PPP6R3: variants seen among roughly 807,000 people sequenced by gnomAD.
PPP6R3 encodes protein phosphatase 6 regulatory subunit 3, also known as serine/threonine-protein phosphatase 6 regulatory subunit 3.
A neutral mutation model predicts 110.7 loss-of-function variants in PPP6R3; 38 were observed. That is an observed-to-expected ratio of 0.34 (90% confidence interval 0.26 to 0.45). The LOEUF (loss-of-function observed/expected upper bound fraction) is 0.45. PPP6R3 is among the 20% of genes least tolerant of loss of function. The pLI, the probability that PPP6R3 is intolerant of heterozygous loss-of-function variation, is 1.00. For missense variants in PPP6R3, 870 were observed against 1,062.4 expected, an observed-to-expected ratio of 0.82 and a Z score of 2.52; for synonymous variants, 369 against 373.5, an observed-to-expected ratio of 0.99 and a Z score of 0.14.
At position 68,603,373 on chromosome 11, in the gene PPP6R3, T is replaced by C. The variant is rs1305016420; in HGVS notation, c.2331T>C (p.Ser777=). The C allele has an allele frequency of 6.2e-7, 1 of 1,613,914 alleles. No individual in the cohort carries two copies. Among genetic ancestry groups the C allele is most frequent in the Admixed American group, 1.7e-5 (1 of 59,974 alleles). ...AAGSVAMEAS[S]DGEEDAESTD... is the part of the protein sequence containing the mutation. ...GCAGTGTGGCCATGGAAGCCAGCTC[T>C]GACGGAGAGGAGGATGCAGAAAGTA... Residue 777 remains serine (S), a synonymous_variant, in exon 22 of 24, where the codon TCT becomes TCC. Transcript: ENST00000393800.
At chr11:68,567,285 A>C in intron 10 of PPP6R3, 119 bp downstream of exon 10, 1 of 1,145,322 alleles carries the variant, frequency 8.7e-7, no homozygotes, top group Non-Finnish European at 1.2e-6. Context: ...TCTGAGCATA[A>C]ATGGTGTTTT....
intron 1 of PPP6R3, among the ~76,000 whole-genome samples, chr11:68,467,668 A>C (rs984979244): frequency 6.6e-6 from 1 of 152,224 alleles, no homozygotes; most frequent in African/African-American, 2.4e-5. Flanking sequence ...TGGTCCTCAG[A>C]TGGGCGTAGC....
At chr11:68,470,552 TTTGG>T (rs2098783736) in intron 1 of PPP6R3, among the ~76,000 whole-genome samples, 1 of 152,014 alleles carries the variant, frequency 6.6e-6, no homozygotes, top group African/African-American at 2.4e-5. Flanking sequence ...GGGTAAGTCA[TTTGG>T]TGTTTTGAGC....
chr11:68,593,683 A>G (rs2099602570), intron 18 of PPP6R3, among the ~76,000 whole-genome samples: 1 of 152,238 alleles, frequency 6.6e-6, no homozygotes, highest in African/African-American at 2.4e-5. Context: ...AGTTAGTCCT[A>G]AATAACCATG....
chr11:68,475,755 C>A (rs541208685), intron 1 of PPP6R3, among the ~76,000 whole-genome samples: 2 of 134,874 alleles, frequency 1.5e-5, no homozygotes, highest in African/African-American at 5.5e-5. Context: ...GGGCGGCTGC[C>A]GGGCGGAGGG....
At chr11:68,521,056 G>C (rs1271744874) in intron 2 of PPP6R3, among the ~76,000 whole-genome samples, 1 of 152,156 alleles carries the variant, frequency 6.6e-6, no homozygotes, top group African/African-American at 2.4e-5. Flanking sequence ...ACAGGCGTGA[G>C]CCACCGCGTC....
chr11:68,477,739 A>ATATATATATATATATATATATAT (rs768026020), intron 1 of PPP6R3, among the ~76,000 whole-genome samples: 1 of 80,400 alleles, frequency 1.2e-5, no homozygotes, highest in African/African-American at 5.2e-5. Context: ...AAAAAAAAAA[A>ATATATATATATATATATATATAT]AAATATATAT....
At position 68,537,781 on chromosome 11, in the gene PPP6R3, T is replaced by C; in HGVS notation, c.117T>C (p.Ala39=). The C allele has an allele frequency of 1.2e-6, 2 of 1,613,852 alleles. No homozygotes were observed. Among genetic ancestry groups the C allele is most frequent in the Non-Finnish European group, 1.7e-6 (2 of 1,179,706 alleles). ...AAGATGTTTTACAGGAATGTAAAGCTCAGAACCGCAAACTTATAGAGTTTC... is the reference window on the plus strand; with the variant it reads ...AAGATGTTTTACAGGAATGTAAAGCCCAGAACCGCAAACTTATAGAGTTTC... ...DEEDVLQECK[A]QNRKLIEFLL... Residue 39 remains alanine, a synonymous_variant, in exon 3 of 24, where the codon GCT becomes GCC. Coordinates refer to ENST00000393800, the MANE Select transcript of PPP6R3 (RefSeq NM_001164161.2).
intron 1 of PPP6R3, among the ~76,000 whole-genome samples, chr11:68,499,137 CCTTT>C (rs1156699264): frequency 6.6e-6 from 1 of 150,702 alleles, no homozygotes; most frequent in Non-Finnish European, 1.5e-5. Flanking sequence ...GTTTTTATTA[CCTTT>C]CTATTTTTTG....
intron 1 of PPP6R3, among the ~76,000 whole-genome samples, chr11:68,516,449 A>G (rs1204771041): frequency 1.3e-5 from 2 of 152,234 alleles, no homozygotes; most frequent in African/African-American, 4.8e-5. Context: ...ATATGTTTAG[A>G]TTTGGGCCCT....
chr11:68,520,350 G>A (rs1003152025), intron 2 of PPP6R3, among the ~76,000 whole-genome samples: 1 of 152,176 alleles, frequency 6.6e-6, no homozygotes, highest in Non-Finnish European at 1.5e-5. Flanking sequence ...ATCCTGATGA[G>A]CAGTGATTTA....
chr11:68,578,431 C>T (rs1177618926), intron 14 of PPP6R3, among the ~76,000 whole-genome samples: 2 of 152,160 alleles, frequency 1.3e-5, no homozygotes, highest in South Asian at 2.1e-4. Context: ...ATGCCCTGTT[C>T]CCTTTCCCAA....
intron 7 of PPP6R3, among the ~76,000 whole-genome samples, chr11:68,558,038 A>G (rs1430874257): frequency 6.6e-6 from 1 of 152,152 alleles, no homozygotes; most frequent in Non-Finnish European, 1.5e-5. Flanking sequence ...TGCTTTTTCA[A>G]ATTTTATTTG....
intron 18 of PPP6R3, among the ~76,000 whole-genome samples, chr11:68,592,574 A>T: frequency 6.6e-6 from 1 of 152,158 alleles, no homozygotes; most frequent in East Asian, 1.9e-4. Context: ...TTGAGCAAGT[A>T]AAGCTGTGTT....
chr11:68,552,148 C>T (rs1055245011), intron 6 of PPP6R3, among the ~76,000 whole-genome samples: 15 of 151,844 alleles, frequency 9.9e-5, no homozygotes, highest in Admixed American at 7.9e-4. Flanking sequence ...AGTAGTCATC[C>T]ATTTTTACCT....
chr11:68,601,338 G>A (rs1030376509), intron 20 of PPP6R3, among the ~76,000 whole-genome samples: 3 of 152,166 alleles, frequency 2.0e-5, no homozygotes, highest in Non-Finnish European at 2.9e-5. Context: ...AGGGATAAAA[G>A]AGGAAGTGTA....
intron 1 of PPP6R3, among the ~76,000 whole-genome samples, chr11:68,509,470 A>ATTTT (rs34228704): frequency 5.2e-4 from 60 of 116,460 alleles, no homozygotes; most frequent in African/African-American, 1.5e-3. Context: ...TTACTTCTCT[A>ATTTT]TTTTTTTTTT....
rs1360239264 is a variant in PPP6R3 at position 68,615,194 on chromosome 11, G to A, written c.*2077G>A. 1 of 422,902 alleles carries A rather than the reference G, an allele frequency of 2.4e-6. No individual in the cohort carries two copies. The highest frequency in any genetic ancestry group is 2.0e-5 in the African/African-American group (1 of 48,896). 26.2% of individuals were successfully genotyped at this position (422,902 alleles called of 1,614,324 possible). ...GGTTGGAGGGGCCAAGCCAAGGACAGGAGCAAGTGTGCCCTCATTTTGTTT... is the reference window on the plus strand; with the variant it reads ...GGTTGGAGGGGCCAAGCCAAGGACAAGAGCAAGTGTGCCCTCATTTTGTTT... On this transcript the variant is annotated 3_prime_UTR_variant, in exon 24 of 24. Coordinates refer to ENST00000393800, the MANE Select transcript of PPP6R3 (RefSeq NM_001164161.2).
chr11:68,520,074 A>G (rs982529900), intron 2 of PPP6R3, among the ~76,000 whole-genome samples: 3 of 152,176 alleles, frequency 2.0e-5, no homozygotes, highest in Non-Finnish European at 2.9e-5. Context: ...TCTGAGTCCT[A>G]ATCTCCATCA....
Sources: allele counts gnomAD v4.1 joint callset (sites outside exome capture counted in the v4.1 genomes callset), GRCh38; gene constraint gnomAD v4.1.1; transcripts MANE v1.5; gene names NCBI Gene and HGNC (gene_info 2026-07-23, HGNC 2026-07-21).